The following NAV2 variants were observed in gnomAD, a reference collection of about 807,000 sequenced individuals.
The protein encoded by NAV2 is neuron navigator 2.
NAV2 carries 54 observed loss-of-function variants against 223.2 expected under a neutral mutation model. The observed-to-expected ratio is 0.24, with a 90% CI of 0.19 to 0.30. The LOEUF (loss-of-function observed/expected upper bound fraction) is 0.30. NAV2 is among the 10% of genes least tolerant of loss of function. The pLI is 1.00. For synonymous variants in NAV2, 1,279 were observed against 1,239.3 expected (o/e 1.03, Z -0.67); for missense variants, 2,806 against 3,147.5 (o/e 0.89, Z 2.60).
At chr11:19,658,662 C>A (rs546490759) in intron 1 of NAV2, among the ~76,000 whole-genome samples, 1 of 152,272 alleles carries the variant, frequency 6.6e-6, no homozygotes, top group South Asian at 2.1e-4. Context: ...GCAGTATCCC[C>A]GTGCAGGCTC....
intron 1 of NAV2, among the ~76,000 whole-genome samples, chr11:19,367,045 A>C (rs1848310108): frequency 6.6e-6 from 1 of 152,170 alleles, no homozygotes. Context: ...AGACAAGTAC[A>C]CTGAGGCCCA....
chr11:19,700,394 T>C (rs2049477164), intron 1 of NAV2, among the ~76,000 whole-genome samples: 1 of 152,192 alleles, frequency 6.6e-6, no homozygotes, highest in South Asian at 2.1e-4. Context: ...CCACTGCCTC[T>C]CTTTAATCTT....
chr11:19,520,504 C>T (rs2043614306), intron 1 of NAV2, among the ~76,000 whole-genome samples: 1 of 152,222 alleles, frequency 6.6e-6, no homozygotes, highest in Non-Finnish European at 1.5e-5. Flanking sequence ...TCCTGTACCT[C>T]ACTGTGTGTT....
chr11:19,683,846 A>G (rs999964628), intron 1 of NAV2, among the ~76,000 whole-genome samples: 1 of 152,230 alleles, frequency 6.6e-6, no homozygotes, highest in Admixed American at 6.5e-5. Flanking sequence ...AGGATATTAA[A>G]TTGTATCTTC....
intron 1 of NAV2, among the ~76,000 whole-genome samples, chr11:19,589,324 A>G (rs2045988493): frequency 6.6e-6 from 1 of 152,196 alleles, no homozygotes; most frequent in Admixed American, 6.5e-5. Flanking sequence ...TGACTTTACC[A>G]AAGGAAAAAT....
intron 1 of NAV2, among the ~76,000 whole-genome samples, chr11:19,805,002 T>A (rs10833175): frequency 0.51 from 77,085 of 151,972 alleles, 21,797 homozygotes; most frequent in Middle Eastern, 0.68. Context: ...GAGTGGGAAA[T>A]CAGGGCACCT....
At chr11:19,915,983 T>C (rs1175773503) in intron 6 of NAV2, among the ~76,000 whole-genome samples, 1 of 152,220 alleles carries the variant, frequency 6.6e-6, no homozygotes, top group Non-Finnish European at 1.5e-5. Context: ...ACAAGCTACT[T>C]AGTCTCTTCA....
intron 1 of NAV2, among the ~76,000 whole-genome samples, chr11:19,634,257 TATC>T (rs2047428631): frequency 6.6e-6 from 1 of 152,150 alleles, no homozygotes; most frequent in Non-Finnish European, 1.5e-5. Flanking sequence ...ATGTGTAGGT[TATC>T]ATCAAGGAAC....
At chr11:20,071,019 G>T (rs530976412) in intron 22 of NAV2, among the ~76,000 whole-genome samples, 4 of 151,722 alleles carry the variant, frequency 2.6e-5, no homozygotes, top group African/African-American at 7.3e-5. Flanking sequence ...GGTTCGTTAC[G>T]TACGTATACA....
At chr11:19,635,904 G>A (rs1480898890) in intron 1 of NAV2, among the ~76,000 whole-genome samples, 3 of 152,224 alleles carry the variant, frequency 2.0e-5, no homozygotes, top group Non-Finnish European at 4.4e-5. Flanking sequence ...TGAGCAGAGG[G>A]TATTGGAAGG....
intron 31 of NAV2, 98 bp from the exon 32 acceptor site, chr11:20,100,839 G>C: frequency 1.0e-6 from 1 of 972,798 alleles, no homozygotes; most frequent in South Asian, 1.5e-5. Flanking sequence ...CTGCCGAGGA[G>C]AGGAATCACC....
Position 19,603,224 on chromosome 11 carries a change from T to C in NAV2, c.76-229260T>C, listed in dbSNP as rs2046394072. On this transcript the variant is annotated intron_variant, in intron 1 of 37. Transcript: ENST00000360655. ...AAAATTTGTATTGTAAGCAGATCCT[T>C]CTGGCTGCAGCATGGAGCTGTATTA... Among the ~76,000 whole-genome samples the C allele has an allele frequency of 2.6e-5, 4 of 152,096 alleles. 1 individual carries two copies. The South Asian group carries it at 8.3e-4, about 32-fold the overall frequency.
intron 1 of NAV2, among the ~76,000 whole-genome samples, chr11:19,652,053 G>A (rs2047984277): frequency 6.6e-6 from 1 of 152,158 alleles, no homozygotes; most frequent in Non-Finnish European, 1.5e-5. Context: ...AGAACATCCT[G>A]GAGCAAGGAG....
intron 1 of NAV2, among the ~76,000 whole-genome samples, chr11:19,794,280 C>T (rs977162418): frequency 1.3e-5 from 2 of 152,134 alleles, no homozygotes; most frequent in Admixed American, 6.5e-5. Flanking sequence ...GCGATGGTTC[C>T]TCCTCCCCCT....
At position 20,090,899 on chromosome 11, in the gene NAV2, G is replaced by A. The variant is rs140129268; in HGVS notation, c.5533G>A (p.Val1845Ile). Residue 1845 changes from valine (V) to isoleucine (I), a missense_variant, in exon 27 of 38, where the codon GTC becomes ATC. Coordinates refer to ENST00000349880, the MANE Select transcript of NAV2 (RefSeq NM_145117.5). ...ATGCATGGATAGTGAAGCTGAGACCGTCATGCAGCTCCGAAATGAGTTAAG... is the reference window on the plus strand; with the variant it reads ...ATGCATGGATAGTGAAGCTGAGACCATCATGCAGCTCCGAAATGAGTTAAG... ...SECMDSEAETVMQLRNELRDK... is the reference protein window; with the variant it reads ...SECMDSEAETIMQLRNELRDK... 33 of 1,613,884 alleles carry A rather than the reference G, an allele frequency of 2.0e-5. 1 individual carries two copies. Among genetic ancestry groups the A allele is most frequent in the Admixed American group, 1.0e-4 (6 of 59,994 alleles).
intron 1 of NAV2, among the ~76,000 whole-genome samples, chr11:19,747,628 A>G (rs954513209): frequency 4.6e-5 from 7 of 152,140 alleles, no homozygotes; most frequent in African/African-American, 1.7e-4. Flanking sequence ...TCAGCATTCA[A>G]TTTGCCCTTG....
intron 11 of NAV2, among the ~76,000 whole-genome samples, chr11:20,033,107 T>A (rs186697204): frequency 6.6e-6 from 1 of 152,196 alleles, no homozygotes. Flanking sequence ...CAATTAGACA[T>A]TTGCTTTTTA....
At chr11:19,751,018 G>A (rs553148144) in intron 1 of NAV2, among the ~76,000 whole-genome samples, 3 of 152,272 alleles carry the variant, frequency 2.0e-5, no homozygotes, top group South Asian at 4.2e-4. Flanking sequence ...AGCCAGTTGT[G>A]TGCATCTCTT....
chr11:20,049,832 C>A lies in NAV2; in HGVS notation c.4371-4C>A. On this transcript the variant is annotated splice_polypyrimidine_tract_variant and splice_region_variant and intron_variant, in intron 15 of 37. Coordinates refer to ENST00000349880, the MANE Select transcript of NAV2 (RefSeq NM_145117.5). ...TCTTGTTTTCTACCTGCCTGGACTT[C>A]TAGCCCTCTCTCTTCCCCTGCTGCT... 6.2e-7 allele frequency: 1 copy of A among 1,614,028 alleles called. No individual in the cohort carries two copies. Among genetic ancestry groups the A allele is most frequent in the Non-Finnish European group, 8.5e-7 (1 of 1,179,878 alleles).
Sources: allele counts gnomAD v4.1 joint callset (sites outside exome capture counted in the v4.1 genomes callset), GRCh38; gene constraint gnomAD v4.1.1; transcripts MANE v1.5; gene names NCBI Gene and HGNC (gene_info 2026-07-23, HGNC 2026-07-21).